MYO7A: variants seen among roughly 807,000 people sequenced by gnomAD.
MYO7A encodes the protein unconventional myosin-VIIa.
In MYO7A, 210 loss-of-function variants were observed where a neutral mutation model predicts 263.8. The observed-to-expected ratio is 0.80, with a 90% CI of 0.71 to 0.89. The LOEUF (loss-of-function observed/expected upper bound fraction) is 0.89. Ranked by LOEUF, MYO7A falls within the 40% of genes least tolerant of loss-of-function variation. MYO7A has a pLI of 0.00. For missense variants in MYO7A, 2,820 were observed against 2,968.3 expected, an observed-to-expected ratio of 0.95 and a Z score of 1.16; for synonymous variants, 1,239 against 1,197.3, an observed-to-expected ratio of 1.03 and a Z score of -0.72.
rs1200992752 is a variant in MYO7A at position 77,184,721 on chromosome 11, TGCCGGGAGGCGGGGACACCAGG to T, written c.3503+10_3503+31del. Reference sequence around the variant, plus strand: ...ATCCTGCGGCCAGCACTCCGGTCAGTGCCGGGAGGCGGGGACACCAGGGCCTGAAAGTCTTTTGGTGGCTGAG... The same window carrying T: ...ATCCTGCGGCCAGCACTCCGGTCAGTGCCTGAAAGTCTTTTGGTGGCTGAG... On this transcript the variant is annotated splice_region_variant and intron_variant, in intron 27 of 48. Transcript: ENST00000409709. 1 of 1,555,298 alleles carries T rather than the reference TGCCGGGAGGCGGGGACACCAGG, an allele frequency of 6.4e-7. No individual in the cohort carries two copies. Among genetic ancestry groups the T allele is most frequent in the Non-Finnish European group, 8.7e-7 (1 of 1,148,744 alleles).
intron 19 of MYO7A, among the ~76,000 whole-genome samples, chr11:77,178,355 C>T (rs373383967): frequency 5.4e-3 from 438 of 81,488 alleles, no homozygotes; most frequent in Admixed American, 7.4e-3. Context: ...CATCCACCCA[C>T]CCACCCATCC....
At chr11:77,205,209 A>C (rs1957361922) in intron 39 of MYO7A, among the ~76,000 whole-genome samples, 1 of 152,200 alleles carries the variant, frequency 6.6e-6, no homozygotes, top group Non-Finnish European at 1.5e-5. Context: ...CCTTATCTCC[A>C]CGTGGACTGG....
At position 77,155,962 on chromosome 11, in the gene MYO7A, A is replaced by G. The variant is rs782587841; in HGVS notation, c.341A>G (p.Tyr114Cys). The change falls in exon 5 of 49, where the codon TAC becomes TGC. Residue 114 changes from tyrosine (Y) to cysteine (C), a missense_variant. By Grantham distance (194) the Tyr-to-Cys change is radical. Coordinates refer to ENST00000409709, the MANE Select transcript of MYO7A (RefSeq NM_000260.4). ...AACCCCTACCAGCTGCTCTCCATCT[A>G]CTCGCCAGAGCACATCCGCCAGTAT... ...AVNPYQLLSIYSPEHIRQYTN... is the reference protein window; with the variant it reads ...AVNPYQLLSICSPEHIRQYTN... The G allele has an allele frequency of 8.1e-6, 13 of 1,612,474 alleles. No individual in the cohort carries two copies. In the African/African-American group the frequency reaches 1.1e-4, roughly 13 times the overall value.
At chr11:77,174,501 C>T (rs1954442680) in intron 16 of MYO7A, among the ~76,000 whole-genome samples, 1 of 152,218 alleles carries the variant, frequency 6.6e-6, no homozygotes, top group Non-Finnish European at 1.5e-5. Flanking sequence ...CATGAAGCTC[C>T]CCACTTGGGT....
Position 77,189,482 on chromosome 11 carries a change from C to T in MYO7A, c.3630+12C>T, listed in dbSNP as rs534087539. On this transcript the variant is annotated intron_variant, in intron 28 of 48. Transcript: ENST00000409709. ...AGAAGTTTGTCAAGGTAGGAAGGTG[C>T]CTGGCCTCCTGGAGTGGGAAGGGGA... 6.2e-7 allele frequency: 1 copy of T among 1,613,554 alleles called. No homozygotes were observed. The highest frequency in any genetic ancestry group is 1.3e-5 in the African/African-American group (1 of 75,018).
chr11:77,176,499 C>T (rs1555080131), intron 18 of MYO7A, among the ~76,000 whole-genome samples: 1 of 152,206 alleles, frequency 6.6e-6, no homozygotes, highest in Non-Finnish European at 1.5e-5. Flanking sequence ...AGCTAGGAAG[C>T]AGGGAGCAGG....
At chr11:77,182,178 C>T (rs1555085176) in intron 24 of MYO7A, 24 bp downstream of exon 24, 1 of 1,612,060 alleles carries the variant, frequency 6.2e-7, no homozygotes. Flanking sequence ...GTCACTAGGT[C>T]ACTGCTGGGT....
rs919420776 is a variant in MYO7A, at chr11:77,194,593, A to C, written c.4323+69A>C. 4.2e-5 allele frequency: 62 copies of C among 1,470,832 alleles called. 1 individual carries two copies. Among genetic ancestry groups the C allele is most frequent in the Middle Eastern group, 4.0e-4 (2 of 4,976 alleles). 91.1% of individuals were successfully genotyped at this position (1,470,832 alleles called of 1,614,324 possible). ...AACAACCAAGGAGGTCCCAGGCCTC[A>C]TCTGAACCTCTCTGTTGGGGCTGCG... On this transcript the variant is annotated intron_variant, in intron 32 of 48. Coordinates refer to ENST00000409709, the MANE Select transcript of MYO7A (RefSeq NM_000260.4).
intron 1 of MYO7A, among the ~76,000 whole-genome samples, chr11:77,129,980 C>G (rs1455543211): frequency 4.6e-5 from 7 of 152,084 alleles, no homozygotes; most frequent in Admixed American, 1.3e-4. Context: ...GGCCCGGGCC[C>G]GGGCCCAGGC....
intron 2 of MYO7A, among the ~76,000 whole-genome samples, chr11:77,131,263 T>C (rs1950758098): frequency 6.6e-6 from 1 of 152,186 alleles, no homozygotes; most frequent in Non-Finnish European, 1.5e-5. Flanking sequence ...CAGGTGGGCC[T>C]GGCAGCAGGC....
intron 27 of MYO7A, among the ~76,000 whole-genome samples, chr11:77,185,282 T>C (rs1955576333): frequency 6.6e-6 from 1 of 152,266 alleles, no homozygotes; most frequent in Admixed American, 6.5e-5. Context: ...CTCTGTAGCA[T>C]GCAATGCTGT....
At chr11:77,180,973 T>C (rs1213307424) in intron 22 of MYO7A, among the ~76,000 whole-genome samples, 5 of 152,254 alleles carry the variant, frequency 3.3e-5, no homozygotes, top group South Asian at 4.1e-4. Flanking sequence ...TTGGGAAATA[T>C]TGAGTTAAAT....
chr11:77,187,679 A>G (rs1955744484), intron 27 of MYO7A, among the ~76,000 whole-genome samples: 1 of 152,330 alleles, frequency 6.6e-6, no homozygotes, highest in East Asian at 1.9e-4. Flanking sequence ...AGGAGCCACC[A>G]AAAAATCAAC....
intron 32 of MYO7A, 30 bp downstream of exon 32, chr11:77,194,554 G>A (rs1440101048): frequency 4.5e-6 from 7 of 1,561,986 alleles, no homozygotes; most frequent in Non-Finnish European, 6.1e-6. Context: ...TCCTAGAGAA[G>A]GGATGTGGAC....
chr11:77,130,262 C>G (rs1950730476), intron 1 of MYO7A, among the ~76,000 whole-genome samples: 1 of 152,240 alleles, frequency 6.6e-6, no homozygotes, highest in African/African-American at 2.4e-5. Context: ...AGCTGTGTGA[C>G]CCTGGGCAAG....
At chr11:77,152,867 C>T (rs1258978167) in intron 4 of MYO7A, among the ~76,000 whole-genome samples, 2 of 151,952 alleles carry the variant, frequency 1.3e-5, no homozygotes, top group East Asian at 1.9e-4. Flanking sequence ...ATTATCTGGA[C>T]GAAGGGGTAG....
intron 15 of MYO7A, among the ~76,000 whole-genome samples, chr11:77,169,951 C>T (rs1953925706): frequency 6.6e-6 from 1 of 152,142 alleles, no homozygotes; most frequent in South Asian, 2.1e-4. Context: ...TGGTACACAC[C>T]TGTAGTCCCA....
At chr11:77,191,567 T>G (rs1466097355) in intron 30 of MYO7A, among the ~76,000 whole-genome samples, 1 of 152,180 alleles carries the variant, frequency 6.6e-6, no homozygotes, top group Non-Finnish European at 1.5e-5. Context: ...CCTTCACACT[T>G]GCCCTGAAGC....
At position 77,214,711 on chromosome 11, in the gene MYO7A, G is replaced by C; in HGVS notation, c.*15G>C. The C allele has an allele frequency of 6.4e-7, 1 of 1,551,312 alleles. No homozygotes were observed. Among genetic ancestry groups the C allele is most frequent in the Non-Finnish European group, 8.7e-7 (1 of 1,143,752 alleles). ...GCGGCAAGTGAACAGTCACGGGGAG[G>C]TGCTGGTTCCATGCCTGCTCTCGAG... On this transcript the variant is annotated 3_prime_UTR_variant, in exon 49 of 49. Transcript: ENST00000409709.
Sources: gnomAD v4.1 joint callset for allele counts (sites outside exome capture counted in the v4.1 genomes callset) on GRCh38, gnomAD v4.1.1 for gene constraint, MANE v1.5 for transcripts, NCBI Gene and HGNC (gene_info 2026-07-23, HGNC 2026-07-21) for gene names.